Variants in CNTN5 observed in about 807,000 individuals in gnomAD.
CNTN5 encodes contactin 5.
CNTN5 carries 77 observed loss-of-function variants against 129.1 expected under a neutral mutation model. That is an observed-to-expected ratio of 0.60 (90% CI 0.50 to 0.72). CNTN5 has a LOEUF of 0.72. Among genes scored for constraint, CNTN5 ranks in the 30% least tolerant of loss-of-function variants. The pLI is 0.00. For synonymous variants in CNTN5, 509 were observed against 465.6 expected, an observed-to-expected ratio of 1.09 and a Z score of -1.20; for missense variants, 1,478 against 1,328.8, an observed-to-expected ratio of 1.11 and a Z score of -1.75.
chr11:100,167,575 G>A (rs1362178257), intron 13 of CNTN5, among the ~76,000 whole-genome samples: 1 of 151,830 alleles, frequency 6.6e-6, no homozygotes, highest in Non-Finnish European at 1.5e-5. Flanking sequence ...ACTAATTAAT[G>A]AGTAATAAAT....
intron 9 of CNTN5, among the ~76,000 whole-genome samples, chr11:100,054,005 G>A (rs1057413995): frequency 2.6e-5 from 4 of 151,730 alleles, no homozygotes; most frequent in African/African-American, 9.7e-5. Flanking sequence ...TATAAAACTG[G>A]TGAAAGTGTT....
At chr11:100,150,914 G>T (rs564863960) in intron 13 of CNTN5, among the ~76,000 whole-genome samples, 4 of 152,180 alleles carry the variant, frequency 2.6e-5, no homozygotes, top group Admixed American at 2.0e-4. Flanking sequence ...TGAGAATGTG[G>T]ACCCCATGAA....
intron 2 of CNTN5, among the ~76,000 whole-genome samples, chr11:99,375,917 C>T (rs924292922): frequency 6.6e-6 from 1 of 152,000 alleles, no homozygotes; most frequent in African/African-American, 2.4e-5. Context: ...AAAATTATAA[C>T]CATATTTAAT....
At chr11:99,463,443 GAAAAA>G (rs66933434) in intron 2 of CNTN5, among the ~76,000 whole-genome samples, 4 of 126,892 alleles carry the variant, frequency 3.2e-5, no homozygotes, top group African/African-American at 5.9e-5. Context: ...GTCTCAAAAA[GAAAAA>G]AAAAAAAAAA....
chr11:100,029,141 GA>G (rs1941576724), intron 9 of CNTN5, among the ~76,000 whole-genome samples: 1 of 147,280 alleles, frequency 6.8e-6, no homozygotes, highest in Non-Finnish European at 1.5e-5. Flanking sequence ...ACATACATGT[GA>G]TTCAGATATA....
intron 8 of CNTN5, among the ~76,000 whole-genome samples, chr11:99,986,689 T>C (rs1938699823): frequency 6.6e-6 from 1 of 152,196 alleles, no homozygotes; most frequent in African/African-American, 2.4e-5. Context: ...CTCTCCTTGA[T>C]AGCAAGACTT....
intron 1 of CNTN5, among the ~76,000 whole-genome samples, chr11:99,198,146 T>C (rs1250680941): frequency 6.6e-6 from 1 of 152,142 alleles, no homozygotes; most frequent in Non-Finnish European, 1.5e-5. Flanking sequence ...ATGCTCACCC[T>C]GTTTTTTGCT....
chr11:99,868,184 C>T lies in CNTN5; in HGVS notation c.577+22922C>T, dbSNP rs138948559. Among the ~76,000 whole-genome samples, 564 of 151,594 alleles carry T rather than the reference C, an allele frequency of 3.7e-3. 7 individuals carry two copies. Among genetic ancestry groups the T allele is most frequent in the African/African-American group, 0.012 (504 of 41,290 alleles). On this transcript the variant is annotated intron_variant, in intron 6 of 24. Transcript: ENST00000524871. ...TGAGCTGAGAACGTGCCGCTGCACT[C>T]CAGCCTGGGCAACAAGAACAAAACT... is the stretch of plus-strand genomic sequence containing the variant.
chr11:99,584,648 T>A (rs1349458992), intron 3 of CNTN5, among the ~76,000 whole-genome samples: 1 of 152,130 alleles, frequency 6.6e-6, no homozygotes, highest in African/African-American at 2.4e-5. Flanking sequence ...TAAATACACA[T>A]ATGTTAGTAA....
intron 2 of CNTN5, among the ~76,000 whole-genome samples, chr11:99,398,769 G>T (rs1004079893): frequency 1.6e-4 from 25 of 151,826 alleles, no homozygotes; most frequent in African/African-American, 4.1e-4. Context: ...ACCATCTTTG[G>T]TTGCCTTCAG....
chr11:99,511,826 A>C (rs7938252), intron 2 of CNTN5, among the ~76,000 whole-genome samples: 2 of 151,594 alleles, frequency 1.3e-5, no homozygotes, highest in African/African-American at 2.4e-5. Context: ...TATAATAATA[A>C]AATTTAAATA....
At chr11:100,271,405 T>C (rs2138783813) in intron 18 of CNTN5, among the ~76,000 whole-genome samples, 164 bp downstream of exon 18, 1 of 152,356 alleles carries the variant, frequency 6.6e-6, no homozygotes, top group South Asian at 2.1e-4. Flanking sequence ...TATTTCATTT[T>C]ATTTGTTCTC....
chr11:100,306,804 A>G (rs1951360075), intron 20 of CNTN5, among the ~76,000 whole-genome samples: 1 of 151,710 alleles, frequency 6.6e-6, no homozygotes, highest in South Asian at 2.1e-4. Flanking sequence ...GGAGTTGGAA[A>G]GTGAGATGAG....
chr11:99,528,586 C>T (rs1277849679), intron 2 of CNTN5, among the ~76,000 whole-genome samples: 1 of 152,198 alleles, frequency 6.6e-6, no homozygotes, highest in Admixed American at 6.5e-5. Context: ...TTCACAAATG[C>T]ACACGTACAA....
At chr11:99,247,653 T>C (rs560268016) in intron 1 of CNTN5, among the ~76,000 whole-genome samples, 138 of 151,998 alleles carry the variant, frequency 9.1e-4, no homozygotes, top group Non-Finnish European at 1.7e-3. Context: ...GATGTTCCCC[T>C]TCCTGTGTCC....
At chr11:100,066,354 A>T (rs898968166) in intron 10 of CNTN5, among the ~76,000 whole-genome samples, 2 of 152,126 alleles carry the variant, frequency 1.3e-5, no homozygotes, top group Non-Finnish European at 2.9e-5. Flanking sequence ...ACTGAAAGTG[A>T]TCTATGCGGA....
At chr11:100,070,396 T>C in intron 10 of CNTN5, 28 bp from the exon 11 acceptor site, 1 of 1,589,922 alleles carries the variant, frequency 6.3e-7, no homozygotes, top group Non-Finnish European at 8.6e-7. Context: ...AATGAAATCA[T>C]CCTTGTTTAC....
At chr11:99,409,548 G>T (rs1003076202) in intron 2 of CNTN5, among the ~76,000 whole-genome samples, 6 of 152,210 alleles carry the variant, frequency 3.9e-5, no homozygotes, top group African/African-American at 1.4e-4. Flanking sequence ...AGAGGTTAAA[G>T]ATCATCTGTA....
intron 1 of CNTN5, among the ~76,000 whole-genome samples, chr11:99,097,411 A>G (rs996316869): frequency 6.6e-6 from 1 of 151,944 alleles, no homozygotes; most frequent in African/African-American, 2.4e-5. Context: ...GGCAGAATAT[A>G]TTTCACTTAC....
Sources: allele counts gnomAD v4.1 joint callset (sites outside exome capture counted in the v4.1 genomes callset), GRCh38; gene constraint gnomAD v4.1.1; transcripts MANE v1.5; gene names NCBI Gene and HGNC (gene_info 2026-07-23, HGNC 2026-07-21).